TMCC3: variants seen among roughly 807,000 people sequenced by gnomAD.
TMCC3 encodes the protein transmembrane and coiled-coil domain family 3.
Under a neutral mutation model 40.2 loss-of-function variants are expected in TMCC3, and 28 were observed. The ratio of observed to expected loss-of-function variants is 0.70; its 90% CI spans 0.52 to 0.95. The LOEUF (loss-of-function observed/expected upper bound fraction) is 0.95. Ranked by LOEUF, TMCC3 falls within the 40% of genes least tolerant of loss-of-function variation. The pLI, the probability that TMCC3 is intolerant of heterozygous loss-of-function variation, is 0.00. For missense variants in TMCC3, 554 were observed against 615.2 expected (o/e 0.90, Z 1.05); for synonymous variants, 255 against 248.5 (o/e 1.03, Z -0.25).
intron 1 of TMCC3, among the ~76,000 whole-genome samples, chr12:94,615,306 T>C (rs981927618): frequency 1.3e-5 from 2 of 152,090 alleles, no homozygotes; most frequent in Non-Finnish European, 2.9e-5. Flanking sequence ...TCCCACACTA[T>C]GGGGTGTCCA....
intron 1 of TMCC3, among the ~76,000 whole-genome samples, chr12:94,631,606 C>T (rs2068933764): frequency 6.6e-6 from 1 of 152,166 alleles, no homozygotes; most frequent in Admixed American, 6.5e-5. Context: ...GCCTCCAGAA[C>T]TGCATGAAAA....
intron 1 of TMCC3, among the ~76,000 whole-genome samples, chr12:94,632,061 G>GT (rs1444473432): frequency 6.6e-6 from 1 of 152,218 alleles, no homozygotes; most frequent in Non-Finnish European, 1.5e-5. Context: ...AAAAGGCTGC[G>GT]TATCACATGA....
chr12:94,646,719 G>A (rs533736725), intron 1 of TMCC3, among the ~76,000 whole-genome samples: 10 of 146,370 alleles, frequency 6.8e-5, no homozygotes, highest in Admixed American at 4.8e-4. Context: ...GATTACAGGC[G>A]TGAGCCACCG....
chr12:94,592,914 C>T (rs1271629482), intron 1 of TMCC3, among the ~76,000 whole-genome samples: 2 of 151,814 alleles, frequency 1.3e-5, no homozygotes, highest in African/African-American at 4.8e-5. Flanking sequence ...TAATTATCTT[C>T]GGCCAGGCGC....
chr12:94,577,959 C>T (rs560267650), intron 3 of TMCC3, among the ~76,000 whole-genome samples: 2 of 151,530 alleles, frequency 1.3e-5, no homozygotes, highest in South Asian at 4.2e-4. Context: ...CCAGCCTGGC[C>T]AACATGGTGA....
chr12:94,620,317 T>G (rs1297242231), intron 1 of TMCC3, among the ~76,000 whole-genome samples: 1 of 150,936 alleles, frequency 6.6e-6, no homozygotes, highest in African/African-American at 2.4e-5. Flanking sequence ...AGACAGAGTC[T>G]TGCTCTGTCG....
chr12:94,577,238 G>C (rs1439409814), intron 3 of TMCC3, among the ~76,000 whole-genome samples: 1 of 151,752 alleles, frequency 6.6e-6, no homozygotes, highest in East Asian at 1.9e-4. Context: ...GTCCAGGCTG[G>C]AGTGCAATGG....
intron 1 of TMCC3, among the ~76,000 whole-genome samples, chr12:94,605,834 A>T (rs1044916045): frequency 2.6e-5 from 4 of 152,190 alleles, no homozygotes; most frequent in Non-Finnish European, 5.9e-5. Flanking sequence ...GAAATCCCTC[A>T]ATGTACACGG....
At chr12:94,602,086 T>G (rs2138850872) in intron 1 of TMCC3, among the ~76,000 whole-genome samples, 1 of 152,304 alleles carries the variant, frequency 6.6e-6, no homozygotes, top group Non-Finnish European at 1.5e-5. Flanking sequence ...GACAAGCCAC[T>G]TGTCCCTGTG....
At chr12:94,596,388 T>C (rs2068715404) in intron 1 of TMCC3, among the ~76,000 whole-genome samples, 2 of 152,206 alleles carry the variant, frequency 1.3e-5, no homozygotes, top group Non-Finnish European at 1.5e-5. Flanking sequence ...CAGTCACACC[T>C]GAACACTGCA....
Position 94,650,406 on chromosome 12 carries a change from T to G in TMCC3, c.25A>C (p.Thr9Pro). 7.6e-7 allele frequency: 1 copy of G among 1,321,170 alleles called. No individual in the cohort carries two copies. Among genetic ancestry groups the G allele is most frequent in the Non-Finnish European group, 9.7e-7 (1 of 1,028,466 alleles). The allele number at this position is 1,321,170 out of a possible 1,614,324, so 81.8% of individuals were successfully genotyped here. Reference sequence around the variant, plus strand: ...GGGTACGAGTAGGTCCGGTCCACGGTGAGCGCCGTGTCGCTGCCCGGCATC... The same window carrying G: ...GGGTACGAGTAGGTCCGGTCCACGGGGAGCGCCGTGTCGCTGCCCGGCATC... MPGSDTALTVDRTYSYPGR... is the reference protein window; with the variant it reads MPGSDTALPVDRTYSYPGR... Residue 9 changes from threonine to proline, a missense_variant, in exon 1 of 4, where the codon ACC (threonine) becomes CCC (proline). By Grantham distance (38) the Thr-to-Pro change is conservative. Transcript: ENST00000261226.
rs553204955 is a variant in TMCC3 at position 94,631,132 on chromosome 12, G to A, written c.78+19221C>T. Among the ~76,000 whole-genome samples, 52 of 152,162 alleles carry A rather than the reference G, an allele frequency of 3.4e-4. 1 individual carries two copies. The highest frequency in any genetic ancestry group is 2.8e-4 in the Non-Finnish European group (19 of 68,034). ...ATTGATGGTTTTACTTCTGAAACAA[G>A]AGCTCACTTTAGACCAGTTCTTCCT... is the stretch of plus-strand genomic sequence containing the variant. On this transcript the variant is annotated intron_variant, in intron 1 of 3. Transcript: ENST00000261226.
chr12:94,608,263 A>G (rs1566326680), intron 1 of TMCC3, among the ~76,000 whole-genome samples: 2 of 152,240 alleles, frequency 1.3e-5, no homozygotes, highest in East Asian at 3.8e-4. Flanking sequence ...GGGTAACATC[A>G]TTTATTTTCC....
At chr12:94,602,439 A>G (rs1268680292) in intron 1 of TMCC3, among the ~76,000 whole-genome samples, 1 of 152,206 alleles carries the variant, frequency 6.6e-6, no homozygotes, top group Non-Finnish European at 1.5e-5. Context: ...AAACATGTGC[A>G]CTGGTTACAT....
chr12:94,616,687 G>A (rs1227728754), intron 1 of TMCC3, among the ~76,000 whole-genome samples: 1 of 152,182 alleles, frequency 6.6e-6, no homozygotes, highest in African/African-American at 2.4e-5. Context: ...GAGATAAGAG[G>A]AAAGGGGGAG....
intron 1 of TMCC3, among the ~76,000 whole-genome samples, chr12:94,620,405 A>T (rs920692651): frequency 6.6e-6 from 1 of 151,202 alleles, no homozygotes. Flanking sequence ...CTCCTGCCTC[A>T]GCCTCCCGAG....
chr12:94,594,046 A>G (rs1365709916), intron 1 of TMCC3, among the ~76,000 whole-genome samples: 2 of 152,082 alleles, frequency 1.3e-5, no homozygotes, highest in Non-Finnish European at 2.9e-5. Flanking sequence ...GCAACACCCA[A>G]AAAAGGCAAC....
rs767375556 is a variant in TMCC3, at chr12:94,581,664, T to G, written c.953A>C (p.Glu318Ala). The G allele has an allele frequency of 1.9e-6, 3 of 1,602,886 alleles. No homozygotes were observed. In the East Asian group the frequency reaches 6.7e-5, roughly 36 times the overall value. ...IEALKVQFKR[E>A]YGFISQTLQE... Reference sequence around the variant, plus strand: ...CAGGGTCTGAGAAATAAAACCATATTCTCTCTTAAACTGCACCTTCAGTGC... The same window carrying G: ...CAGGGTCTGAGAAATAAAACCATATGCTCTCTTAAACTGCACCTTCAGTGC... Residue 318 changes from glutamate to alanine, a missense_variant, in exon 2 of 4, where the codon GAA becomes GCA. Coordinates refer to ENST00000261226, the MANE Select transcript of TMCC3 (RefSeq NM_020698.4).
At chr12:94,572,837 T>C (rs1403109827) in intron 3 of TMCC3, among the ~76,000 whole-genome samples, 1 of 152,114 alleles carries the variant, frequency 6.6e-6, no homozygotes, top group African/African-American at 2.4e-5. Flanking sequence ...GGGAAGGGAC[T>C]GGGGCTGACT....
Sources: gnomAD v4.1 joint callset for allele counts (sites outside exome capture counted in the v4.1 genomes callset) on GRCh38, gnomAD v4.1.1 for gene constraint, MANE v1.5 for transcripts, NCBI Gene and HGNC (gene_info 2026-07-23, HGNC 2026-07-21) for gene names.